The following PPP1R37 variants were observed in gnomAD, a reference collection of about 807,000 sequenced individuals.
The protein encoded by PPP1R37 is leucine rich repeat containing 68.
In PPP1R37, 21 loss-of-function variants were observed where a neutral mutation model predicts 61.0. The ratio of observed to expected loss-of-function variants is 0.34; its 90% CI spans 0.24 to 0.50. PPP1R37 has a LOEUF of 0.50. Ranked by LOEUF, PPP1R37 falls within the 20% of genes least tolerant of loss-of-function variation. PPP1R37 has a pLI of 0.98. For missense variants in PPP1R37, 910 were observed against 952.7 expected (o/e 0.96, Z 0.59); for synonymous variants, 443 against 433.5 (o/e 1.02, Z -0.27).
intron 1 of PPP1R37, among the ~76,000 whole-genome samples, chr19:45,106,418 A>G (rs564128339): frequency 6.0e-5 from 9 of 150,500 alleles, no homozygotes; most frequent in East Asian, 5.9e-4. Flanking sequence ...ATTTTTTTGT[A>G]TTTTTAGTAG....
chr19:45,118,655 G>T (rs1357565269), intron 1 of PPP1R37, among the ~76,000 whole-genome samples: 1 of 152,200 alleles, frequency 6.6e-6, no homozygotes, highest in Admixed American at 6.5e-5. Flanking sequence ...ACTTGTGCCA[G>T]GAGCCCCAGC....
At chr19:45,140,748 G>T in intron 4 of PPP1R37, 142 bp downstream of exon 4, 1 of 632,558 alleles carries the variant, frequency 1.6e-6, no homozygotes. Flanking sequence ...CTCTTGCAGG[G>T]CAAGAGGGAG....
In PPP1R37 at chr19:45,093,245, G is replaced by C. The variant is rs998358951; in HGVS notation, c.-81G>C. 5 of 1,165,130 alleles carry C rather than the reference G, an allele frequency of 4.3e-6. No individual in the cohort carries two copies. The African/African-American group carries it at 6.5e-5, about 15-fold the overall frequency. The allele number at this position is 1,165,130 out of a possible 1,614,324, so 72.2% of individuals were successfully genotyped here. On this transcript the variant is annotated 5_prime_UTR_variant, in exon 1 of 13. Coordinates refer to ENST00000221462, the MANE Select transcript of PPP1R37 (RefSeq NM_019121.2). ...GAAGCGGCGGCGGAGCCCATGCCCC[G>C]GGACGGCGGGCGGACCCGGAGAGAC...
At chr19:45,094,190 C>T (rs1441692306) in intron 1 of PPP1R37, among the ~76,000 whole-genome samples, 1 of 152,154 alleles carries the variant, frequency 6.6e-6, no homozygotes, top group African/African-American at 2.4e-5. Flanking sequence ...CACTACATTG[C>T]CCAGGCTGGT....
intron 1 of PPP1R37, among the ~76,000 whole-genome samples, chr19:45,132,558 C>G (rs1212830413): frequency 6.6e-6 from 1 of 152,148 alleles, no homozygotes; most frequent in Non-Finnish European, 1.5e-5. Flanking sequence ...GCCTCAGCCT[C>G]CCGAGTAGCT....
chr19:45,146,112 C>G, intron 11 of PPP1R37, 63 bp downstream of exon 11: 2 of 1,427,208 alleles, frequency 1.4e-6, no homozygotes, highest in Non-Finnish European at 1.8e-6. Context: ...CCCAGGCAAG[C>G]CCCTGCCTGT....
At chr19:45,132,914 G>C (rs1968496060) in intron 1 of PPP1R37, among the ~76,000 whole-genome samples, 2 of 152,070 alleles carry the variant, frequency 1.3e-5, no homozygotes, top group South Asian at 4.2e-4. Context: ...TTCCAGGGAG[G>C]GACCCTACTA....
intron 1 of PPP1R37, among the ~76,000 whole-genome samples, chr19:45,115,702 C>T (rs528706542): frequency 1.3e-5 from 2 of 152,286 alleles, no homozygotes; most frequent in South Asian, 2.1e-4. Context: ...CGGCCAGGCG[C>T]AGTGGCTCAC....
intron 7 of PPP1R37, chr19:45,143,065 T>C: frequency 5.9e-6 from 1 of 169,304 alleles, no homozygotes; most frequent in Non-Finnish European, 1.3e-5. Context: ...GACCCCACTC[T>C]ACTGAGCACC....
chr19:45,101,750 T>A (rs566455761), intron 1 of PPP1R37, among the ~76,000 whole-genome samples: 153 of 152,252 alleles, frequency 1.0e-3, no homozygotes, highest in Middle Eastern at 6.8e-3. Flanking sequence ...TGGGTGTTTT[T>A]AACAGAATCC....
intron 1 of PPP1R37, among the ~76,000 whole-genome samples, chr19:45,102,074 A>C (rs568807015): frequency 2.0e-5 from 3 of 152,246 alleles, no homozygotes; most frequent in African/African-American, 7.2e-5. Flanking sequence ...CTGCCCCTGC[A>C]TGGGCTGTGG....
chr19:45,127,325 C>G (rs1462309048), intron 1 of PPP1R37, among the ~76,000 whole-genome samples: 2 of 141,938 alleles, frequency 1.4e-5, no homozygotes, highest in Non-Finnish European at 1.5e-5. Context: ...ACACTCCAGC[C>G]TGGGCAAGAA....
chr19:45,095,475 CTT>C (rs1193370267), intron 1 of PPP1R37, among the ~76,000 whole-genome samples: 1 of 151,650 alleles, frequency 6.6e-6, no homozygotes, highest in Non-Finnish European at 1.5e-5. Flanking sequence ...TAAATTAAGA[CTT>C]TTGGGCCGGA....
At chr19:45,104,523 G>T (rs187742329) in intron 1 of PPP1R37, among the ~76,000 whole-genome samples, 1 of 152,096 alleles carries the variant, frequency 6.6e-6, no homozygotes, top group African/African-American at 2.4e-5. Flanking sequence ...GCCAACCAGC[G>T]CCTGTTTTGC....
chr19:45,142,557 C>A, intron 7 of PPP1R37, 99 bp downstream of exon 7: 2 of 1,232,836 alleles, frequency 1.6e-6, no homozygotes, highest in Non-Finnish European at 2.2e-6. Flanking sequence ...TGGCCAAGAC[C>A]ACCCCAACGC....
intron 1 of PPP1R37, among the ~76,000 whole-genome samples, chr19:45,096,256 G>A (rs1457950859): frequency 6.6e-6 from 1 of 152,110 alleles, no homozygotes; most frequent in East Asian, 1.9e-4. Flanking sequence ...CTGGAGTGAG[G>A]TGCGAGGGGG....
In PPP1R37 at chr19:45,142,344, C is replaced by G; in HGVS notation, c.760C>G (p.Leu254Val). 1 of 1,536,104 alleles carries G rather than the reference C, an allele frequency of 6.5e-7. No individual in the cohort carries two copies. The highest frequency in any genetic ancestry group is 1.2e-5 in the South Asian group (1 of 84,064). Residue 254 changes from leucine (L) to valine (V), a missense_variant, in exon 7 of 13, where the codon CTG becomes GTG. Leu to Val is a conservative substitution (Grantham distance 32). Transcript: ENST00000221462. ...KMNMNLRELYLADNKLNGLQD... is the reference protein window; with the variant it reads ...KMNMNLRELYVADNKLNGLQD... ...GAACATGAACCTGCGGGAGCTGTAC[C>G]TGGCGGACAACAAGCTCAACGGCCT... is the stretch of plus-strand genomic sequence containing the variant.
chr19:45,135,707 G>T (rs527918515), intron 1 of PPP1R37, among the ~76,000 whole-genome samples: 1 of 152,076 alleles, frequency 6.6e-6, no homozygotes, highest in Non-Finnish European at 1.5e-5. Flanking sequence ...CACGAAGTCC[G>T]TGGGCAGCGC....
At chr19:45,143,657 G>A in intron 8 of PPP1R37, 24 bp downstream of exon 8, 2 of 1,431,106 alleles carry the variant, frequency 1.4e-6, no homozygotes, top group East Asian at 2.5e-5. Context: ...GCAGGGAAGG[G>A]AGGCACCTCG....
Sources: allele counts gnomAD v4.1 joint callset (sites outside exome capture counted in the v4.1 genomes callset), GRCh38; gene constraint gnomAD v4.1.1; transcripts MANE v1.5; gene names NCBI Gene and HGNC (gene_info 2026-07-23, HGNC 2026-07-21).